Variants in NKAIN2 observed in about 807,000 individuals in gnomAD.
NKAIN2 encodes sodium/potassium transporting ATPase interacting 2.
NKAIN2 carries 14 observed loss-of-function variants against 32.6 expected under a neutral mutation model. That is an observed-to-expected ratio of 0.43 (90% CI 0.28 to 0.67). NKAIN2 has a LOEUF of 0.67. Among genes scored for constraint, NKAIN2 ranks in the 30% least tolerant of loss-of-function variants. The pLI is 0.17. For synonymous variants in NKAIN2, 80 were observed against 87.2 expected (o/e 0.92, Z 0.46); for missense variants, 198 against 258.3 (o/e 0.77, Z 1.60).
chr6:123,967,140 G>A (rs1384375761), intron 1 of NKAIN2, among the ~76,000 whole-genome samples: 2 of 152,174 alleles, frequency 1.3e-5, no homozygotes, highest in Non-Finnish European at 2.9e-5. Flanking sequence ...GTTTCTAGAA[G>A]CACTGGGCAC....
chr6:123,809,034 C>T (rs1233071369), intron 1 of NKAIN2, among the ~76,000 whole-genome samples: 1 of 151,994 alleles, frequency 6.6e-6, no homozygotes, highest in Non-Finnish European at 1.5e-5. Flanking sequence ...CAGATAATGC[C>T]TACAATTCCA....
At chr6:123,812,735 G>A (rs1773528600) in intron 1 of NKAIN2, among the ~76,000 whole-genome samples, 1 of 152,156 alleles carries the variant, frequency 6.6e-6, no homozygotes, top group Admixed American at 6.5e-5. Flanking sequence ...TGCCTTAGGC[G>A]GGGGAGTGGT....
chr6:124,063,039 C>T (rs1046928528), intron 1 of NKAIN2, among the ~76,000 whole-genome samples: 4 of 151,788 alleles, frequency 2.6e-5, no homozygotes, highest in Admixed American at 1.3e-4. Context: ...TACAAAAATT[C>T]GCCCGGCATG....
chr6:123,921,490 T>A (rs1775752620), intron 1 of NKAIN2, among the ~76,000 whole-genome samples: 1 of 152,180 alleles, frequency 6.6e-6, no homozygotes, highest in South Asian at 2.1e-4. Flanking sequence ...AGATGTTCAA[T>A]GTATCTAACT....
intron 1 of NKAIN2, among the ~76,000 whole-genome samples, chr6:123,852,612 G>A (rs1482556617): frequency 6.6e-6 from 1 of 152,186 alleles, no homozygotes; most frequent in Non-Finnish European, 1.5e-5. Flanking sequence ...TAACCTAAGT[G>A]CCCATCAATG....
intron 3 of NKAIN2, among the ~76,000 whole-genome samples, chr6:124,529,883 C>T (rs997635277): frequency 6.6e-6 from 1 of 152,134 alleles, no homozygotes; most frequent in Non-Finnish European, 1.5e-5. Context: ...TTGTATCCCT[C>T]CAAAATGCAT....
intron 1 of NKAIN2, among the ~76,000 whole-genome samples, chr6:124,037,454 T>G (rs1010164201): frequency 3.3e-5 from 5 of 152,118 alleles, no homozygotes; most frequent in Admixed American, 1.3e-4. Context: ...ATATGTCATT[T>G]TTTTCTGTCA....
chr6:123,944,208 T>C (rs960957034), intron 1 of NKAIN2, among the ~76,000 whole-genome samples: 10 of 152,086 alleles, frequency 6.6e-5, no homozygotes, highest in African/African-American at 2.4e-4. Context: ...CAAAACTAGA[T>C]AGCCTTGTCA....
At chr6:124,474,350 C>A (rs1414268067) in intron 3 of NKAIN2, among the ~76,000 whole-genome samples, 1 of 152,074 alleles carries the variant, frequency 6.6e-6, no homozygotes, top group Non-Finnish European at 1.5e-5. Context: ...CATGTTAAAA[C>A]AAACACCCTC....
intron 3 of NKAIN2, among the ~76,000 whole-genome samples, chr6:124,476,063 A>AGTGT (rs772864587): frequency 3.6e-4 from 42 of 115,112 alleles, no homozygotes; most frequent in Middle Eastern, 4.9e-3. Flanking sequence ...AGAGAGAGAG[A>AGTGT]GAGTGTGTGT....
chr6:124,097,692 G>A (rs1458469845), intron 1 of NKAIN2, among the ~76,000 whole-genome samples: 1 of 152,166 alleles, frequency 6.6e-6, no homozygotes, highest in African/African-American at 2.4e-5. Flanking sequence ...AAACAAATGA[G>A]AAGTTCATAA....
rs146305662 is a variant in NKAIN2 at position 124,813,349 on chromosome 6, A to G, written c.536-5038A>G. Among the ~76,000 whole-genome samples the G allele has an allele frequency of 4.1e-4, 62 of 152,316 alleles. No individual in the cohort carries two copies. In the East Asian group the frequency reaches 9.3e-3, roughly 23 times the overall value. ...TTACAGTATTAGATGGGAAGAACAT[A>G]AAGAGCAAATTTTCTAGAAAGAACA... On this transcript the variant is annotated intron_variant, in intron 5 of 6. Coordinates refer to ENST00000368417, the MANE Select transcript of NKAIN2 (RefSeq NM_001040214.3).
intron 1 of NKAIN2, among the ~76,000 whole-genome samples, chr6:124,147,798 G>T (rs1478243256): frequency 6.6e-6 from 1 of 152,100 alleles, no homozygotes; most frequent in Non-Finnish European, 1.5e-5. Flanking sequence ...ATTGGCCATT[G>T]CTTGCACTAG....
At chr6:123,902,416 T>C (rs1774641663) in intron 1 of NKAIN2, among the ~76,000 whole-genome samples, 1 of 152,182 alleles carries the variant, frequency 6.6e-6, no homozygotes, top group Non-Finnish European at 1.5e-5. Context: ...CAAAAATTCC[T>C]ACATCTAGTG....
At chr6:123,909,346 C>A (rs545765359) in intron 1 of NKAIN2, among the ~76,000 whole-genome samples, 5 of 152,138 alleles carry the variant, frequency 3.3e-5, no homozygotes, top group Non-Finnish European at 7.3e-5. Flanking sequence ...ATTCAAGTCA[C>A]GTCTTGCTGC....
intron 3 of NKAIN2, among the ~76,000 whole-genome samples, chr6:124,494,003 T>C (rs896238246): frequency 1.3e-5 from 2 of 152,074 alleles, no homozygotes; most frequent in African/African-American, 4.8e-5. Flanking sequence ...GAAATTATTT[T>C]CTCAAGAATT....
intron 1 of NKAIN2, among the ~76,000 whole-genome samples, chr6:123,921,319 C>T (rs1012966638): frequency 6.6e-6 from 1 of 152,148 alleles, no homozygotes; most frequent in African/African-American, 2.4e-5. Context: ...TATGTTAAAG[C>T]AAAACTCTGC....
At chr6:124,309,603 T>G (rs988115702) in intron 2 of NKAIN2, among the ~76,000 whole-genome samples, 1 of 152,142 alleles carries the variant, frequency 6.6e-6, no homozygotes, top group Non-Finnish European at 1.5e-5. Context: ...ATGTATGTCT[T>G]TATTTGTGTC....
In NKAIN2 at chr6:123,843,916, T is replaced by G. The variant is rs1282126835; in HGVS notation, c.54+39662T>G. Among the ~76,000 whole-genome samples, 3 of 152,152 alleles carry G rather than the reference T, an allele frequency of 2.0e-5. No individual in the cohort carries two copies. The East Asian group carries it at 5.8e-4, about 29-fold the overall frequency. On this transcript the variant is annotated intron_variant, in intron 1 of 6. Transcript: ENST00000368417. ...GATAGCCTGTGACAAAGTCCGGGCA[T>G]GATTTTGACCTCGATCTCTGCTCCT...
Sources: gnomAD v4.1 joint callset for allele counts (sites outside exome capture counted in the v4.1 genomes callset) on GRCh38, gnomAD v4.1.1 for gene constraint, MANE v1.5 for transcripts, NCBI Gene and HGNC (gene_info 2026-07-23, HGNC 2026-07-21) for gene names.